The following ATP2B4 variants were observed in gnomAD, a reference collection of about 807,000 sequenced individuals.
ATP2B4 encodes the protein plasma membrane calcium-transporting ATPase 4.
A neutral mutation model predicts 110.3 loss-of-function variants in ATP2B4; 39 were observed. The observed-to-expected ratio is 0.35, with a 90% CI of 0.27 to 0.46. The LOEUF (loss-of-function observed/expected upper bound fraction) is 0.46. ATP2B4 is among the 20% of genes least tolerant of loss of function. ATP2B4 has a pLI of 1.00. For synonymous variants in ATP2B4, 538 were observed against 571.7 expected (o/e 0.94, Z 0.84); for missense variants, 1,135 against 1,530.9 (o/e 0.74, Z 4.32).
chr1:203,699,701 T>C lies in ATP2B4; in HGVS notation c.633T>C (p.Ile211=). The change falls in exon 4 of 21, where the codon ATT becomes ATC. Residue 211 remains isoleucine, a synonymous_variant. Coordinates refer to ENST00000357681, the MANE Select transcript of ATP2B4 (RefSeq NM_001684.5). The part of the protein sequence containing the change: ...LPVAEIVVGD[I]AQVKYGDLLP... ...TGGCTGAGATTGTGGTTGGTGATAT[T>C]GCCCAAGTCAAATACGGTGAGAGCT... 1.2e-6 allele frequency: 2 copies of C among 1,614,100 alleles called. No individual in the cohort carries two copies. The highest frequency in any genetic ancestry group is 1.7e-5 in the Admixed American group (1 of 60,016).
chr1:203,634,948 A>C (rs1312205585), intron 1 of ATP2B4, among the ~76,000 whole-genome samples: 2 of 152,084 alleles, frequency 1.3e-5, no homozygotes, highest in East Asian at 3.9e-4. Flanking sequence ...ACAGGCATGA[A>C]CCACCGCACC....
chr1:203,712,114 G>A lies in ATP2B4; in HGVS notation c.2186G>A (p.Arg729Gln), dbSNP rs775905240. 42 of 1,613,930 alleles carry A rather than the reference G, an allele frequency of 2.6e-5. No individual in the cohort carries two copies. Among genetic ancestry groups the A allele is most frequent in the Non-Finnish European group, 3.1e-5 (37 of 1,179,978 alleles). Reference sequence around the variant, plus strand: ...TGCTTAGAAGGCAAAGAATTCAACCGGCTCATCCGCAACGAGAAAGGCGAG... The same window carrying A: ...TGCTTAGAAGGCAAAGAATTCAACCAGCTCATCCGCAACGAGAAAGGCGAG... ...FLCLEGKEFN[R>Q]LIRNEKGEVE... Residue 729 changes from arginine to glutamine, a missense_variant, in exon 13 of 21, where the codon CGG (arginine) becomes CAG (glutamine). Arg to Gln is a conservative substitution (Grantham distance 43). This residue lies in a region of ATP2B4 where 368 missense variants were observed against 455.9 expected (regional missense o/e 0.81). Coordinates refer to ENST00000357681, the MANE Select transcript of ATP2B4 (RefSeq NM_001684.5).
chr1:203,722,393 A>G, intron 17 of ATP2B4, 85 bp from the exon 18 acceptor site: 3 of 1,079,654 alleles, frequency 2.8e-6, no homozygotes, highest in Non-Finnish European at 4.2e-6. Flanking sequence ...CACCAGCCAT[A>G]AGCAAGCAGT....
intron 5 of ATP2B4, 129 bp from the exon 6 acceptor site, chr1:203,700,669 A>G (rs1311979571): frequency 7.7e-6 from 10 of 1,297,012 alleles, no homozygotes; most frequent in African/African-American, 1.5e-5. Context: ...ACCTTTTCCT[A>G]CTGTGCTAAG....
intron 20 of ATP2B4, among the ~76,000 whole-genome samples, chr1:203,739,244 T>C (rs1666944891): frequency 6.6e-6 from 1 of 152,218 alleles, no homozygotes; most frequent in African/African-American, 2.4e-5. Context: ...TTCTGTTTCA[T>C]TTTAAAAGTA....
intron 20 of ATP2B4, among the ~76,000 whole-genome samples, chr1:203,727,960 A>G (rs927660239): frequency 3.9e-5 from 6 of 152,202 alleles, no homozygotes; most frequent in African/African-American, 1.2e-4. Context: ...GACAATATCA[A>G]TATGCCAACA....
intron 2 of ATP2B4, among the ~76,000 whole-genome samples, chr1:203,686,045 T>C (rs764559867): frequency 6.6e-6 from 1 of 151,978 alleles, no homozygotes; most frequent in African/African-American, 2.4e-5. Flanking sequence ...CAATATCTAA[T>C]TGCTTTCATG....
At position 203,709,381 on chromosome 1, in the gene ATP2B4, G is replaced by C; in HGVS notation, c.1638G>C (p.Leu546=). ...ECALLGFVTD[L]KQDYQAVRNE... ...CTCTGCTAGGCTTTGTCACAGATCT[G>C]AAGCAGGATTATCAGGCTGTGCGTA... is the stretch of plus-strand genomic sequence containing the variant. Residue 546 remains leucine (L), a synonymous_variant, in exon 11 of 21, where the codon CTG becomes CTC. Coordinates refer to ENST00000357681, the MANE Select transcript of ATP2B4 (RefSeq NM_001684.5). The C allele has an allele frequency of 6.2e-7, 1 of 1,614,230 alleles. No individual in the cohort carries two copies. The highest frequency in any genetic ancestry group is 1.3e-5 in the African/African-American group (1 of 75,052).
chr1:203,676,402 G>A (rs185443429), intron 1 of ATP2B4, among the ~76,000 whole-genome samples: 157 of 152,242 alleles, frequency 1.0e-3, no homozygotes, highest in African/African-American at 3.6e-3. Context: ...TGGAAATAAG[G>A]AGCCTGTGAT....
chr1:203,723,642 TTGTC>T (rs1666415757), intron 18 of ATP2B4, among the ~76,000 whole-genome samples: 1 of 152,030 alleles, frequency 6.6e-6, no homozygotes. Flanking sequence ...CTCCTCCAGA[TTGTC>T]TGTTAATCAT....
At chr1:203,656,522 C>T (rs113825996) in intron 1 of ATP2B4, among the ~76,000 whole-genome samples, 3,019 of 152,242 alleles carry the variant, frequency 0.02, 103 homozygotes, top group African/African-American at 0.069. Context: ...CTGAACTTTG[C>T]GTCTTCTCAC....
At chr1:203,712,455 G>A (rs1469735576) in intron 13 of ATP2B4, among the ~76,000 whole-genome samples, 1 of 152,052 alleles carries the variant, frequency 6.6e-6, no homozygotes, top group Non-Finnish European at 1.5e-5. Flanking sequence ...GCTGGGCATG[G>A]TGGCGTGCAC....
chr1:203,717,441 CAA>C (rs147460229), intron 15 of ATP2B4, among the ~76,000 whole-genome samples: 2,418 of 151,922 alleles, frequency 0.016, 72 homozygotes, highest in African/African-American at 0.056. Flanking sequence ...TTTTGATGCT[CAA>C]AGTGATCCAC....
intron 20 of ATP2B4, chr1:203,729,643 C>T: frequency 9.4e-7 from 1 of 1,061,992 alleles, no homozygotes; most frequent in Non-Finnish European, 1.3e-6. Flanking sequence ...GCCAGAGAAA[C>T]ATTCCAGGGT....
chr1:203,693,089 C>A (rs1438751459), intron 2 of ATP2B4, among the ~76,000 whole-genome samples: 1 of 152,202 alleles, frequency 6.6e-6, no homozygotes, highest in African/African-American at 2.4e-5. Flanking sequence ...TCTCTCCCTG[C>A]CAAGTTTTCC....
rs565174388 is a variant in ATP2B4, at chr1:203,634,589, C to T, written c.-465+7370C>T. Among the ~76,000 whole-genome samples the T allele has an allele frequency of 3.3e-5, 5 of 152,322 alleles. No individual in the cohort carries two copies. The East Asian group carries it at 9.6e-4, about 29-fold the overall frequency. ...TAAAACCACTGGGTGAAAGATTGGT[C>T]TTAGCATATCTTAGTTTGGGCTGCT... is the stretch of plus-strand genomic sequence containing the variant. On this transcript the variant is annotated intron_variant, in intron 1 of 20. Coordinates refer to ENST00000357681, the MANE Select transcript of ATP2B4 (RefSeq NM_001684.5).
intron 15 of ATP2B4, among the ~76,000 whole-genome samples, chr1:203,719,888 T>C (rs1666271411): frequency 6.6e-6 from 1 of 151,970 alleles, no homozygotes; most frequent in Admixed American, 6.6e-5. Context: ...CTGGGCGATA[T>C]AGAGAGACCC....
intron 9 of ATP2B4, 123 bp downstream of exon 9, chr1:203,707,346 G>C: frequency 1.2e-6 from 1 of 851,620 alleles, no homozygotes; most frequent in Non-Finnish European, 1.8e-6. Flanking sequence ...TGCCTCACAA[G>C]AGCAGAAGTC....
chr1:203,668,009 C>T (rs1664558270), intron 1 of ATP2B4, among the ~76,000 whole-genome samples: 1 of 152,164 alleles, frequency 6.6e-6, no homozygotes, highest in South Asian at 2.1e-4. Flanking sequence ...GCATGAGATG[C>T]CTATGAAAGT....
Sources: allele counts gnomAD v4.1 joint callset (sites outside exome capture counted in the v4.1 genomes callset), GRCh38; gene constraint gnomAD v4.1.1; regional missense constraint gnomAD v4.1.1; transcripts MANE v1.5; gene names NCBI Gene and HGNC (gene_info 2026-07-23, HGNC 2026-07-21).